Variants in CNGB3 observed in about 807,000 individuals in gnomAD.
CNGB3 encodes cyclic nucleotide-gated channel beta-3.
In CNGB3, 86 loss-of-function variants were observed where a neutral mutation model predicts 92.8. The observed-to-expected ratio is 0.93, with a 90% confidence interval of 0.78 to 1.11. The LOEUF is 1.11. Ranked by LOEUF, CNGB3 falls within the 50% of genes least tolerant of loss-of-function variation. The pLI is 0.00. For synonymous variants in CNGB3, 333 were observed against 332.7 expected (o/e 1.00, Z -0.01); for missense variants, 1,026 against 956.8 (o/e 1.07, Z -0.95).
At chr8:86,631,367 C>T (rs1822957498) in intron 11 of CNGB3, among the ~76,000 whole-genome samples, 1 of 152,116 alleles carries the variant, frequency 6.6e-6, no homozygotes, top group South Asian at 2.1e-4. Flanking sequence ...AATCGTCTTG[C>T]ACATAGTAAG....
At chr8:86,590,659 A>G (rs1488270826) in intron 15 of CNGB3, among the ~76,000 whole-genome samples, 1 of 150,372 alleles carries the variant, frequency 6.7e-6, no homozygotes, top group Non-Finnish European at 1.5e-5. Context: ...AGAATGTTGA[A>G]TATTGGCCCC....
At chr8:86,676,283 G>A (rs1823967050) in intron 3 of CNGB3, among the ~76,000 whole-genome samples, 1 of 152,120 alleles carries the variant, frequency 6.6e-6, no homozygotes, top group South Asian at 2.1e-4. Flanking sequence ...TGAGTTTACA[G>A]CAGAGGTGGT....
intron 4 of CNGB3, among the ~76,000 whole-genome samples, chr8:86,669,083 T>C (rs1235591752): frequency 2.6e-5 from 4 of 151,996 alleles, no homozygotes; most frequent in Admixed American, 1.3e-4. Context: ...GAAATATTTA[T>C]GGATGAAATA....
intron 10 of CNGB3, among the ~76,000 whole-genome samples, chr8:86,638,824 C>A (rs1823123940): frequency 6.6e-6 from 1 of 151,214 alleles, no homozygotes; most frequent in Non-Finnish European, 1.5e-5. Context: ...ATTCTTTGCT[C>A]TGGGTTTTTT....
chr8:86,667,497 A>C (rs1179503400), intron 5 of CNGB3, among the ~76,000 whole-genome samples: 2 of 152,210 alleles, frequency 1.3e-5, no homozygotes, highest in African/African-American at 4.8e-5. Flanking sequence ...TTAGTTCCTC[A>C]GTAGTTAAGT....
intron 6 of CNGB3, 21 bp downstream of exon 6, chr8:86,666,904 C>G (rs757743418): frequency 6.3e-7 from 1 of 1,593,214 alleles, no homozygotes; most frequent in South Asian, 1.1e-5. Flanking sequence ...TCAGTTTCTG[C>G]CTTTCCCGAA....
chr8:86,645,250 C>T (rs1378314855), intron 8 of CNGB3, among the ~76,000 whole-genome samples: 1 of 151,092 alleles, frequency 6.6e-6, no homozygotes, highest in African/African-American at 2.4e-5. Flanking sequence ...TTACTATTTC[C>T]CTCAAGGTTT....
chr8:86,720,164 A>C (rs185879697), intron 3 of CNGB3, among the ~76,000 whole-genome samples: 1 of 152,318 alleles, frequency 6.6e-6, no homozygotes, highest in East Asian at 1.9e-4. Flanking sequence ...AATTAAACTA[A>C]AAAGCTTTTG....
At chr8:86,722,360 G>C (rs1324443790) in intron 3 of CNGB3, among the ~76,000 whole-genome samples, 1 of 152,208 alleles carries the variant, frequency 6.6e-6, no homozygotes, top group Non-Finnish European at 1.5e-5. Context: ...AATGGCATCA[G>C]TGGGACTTCA....
rs1449079913 is a variant in CNGB3 at position 86,626,096 on chromosome 8, C to A, written c.1481-16G>T. 6.4e-7 allele frequency: 1 copy of A among 1,560,966 alleles called. No homozygotes were observed. Among genetic ancestry groups the A allele is most frequent in the Non-Finnish European group, 8.8e-7 (1 of 1,132,400 alleles). ...TCAGACTCATCTTTATAAAGATAAA[C>A]ACATCAAACCCCGATGCAGAATAAT... On this transcript the variant is annotated splice_polypyrimidine_tract_variant and intron_variant, in intron 12 of 17. Coordinates refer to ENST00000320005, the MANE Select transcript of CNGB3 (RefSeq NM_019098.5).
chr8:86,611,722 C>A, intron 13 of CNGB3, 51 bp from the exon 14 acceptor site: 1 of 1,252,542 alleles, frequency 8.0e-7, no homozygotes, highest in Non-Finnish European at 1.2e-6. Context: ...GGCCAATATT[C>A]CAAATGAATT....
At chr8:86,642,828 C>T (rs1030371462) in intron 10 of CNGB3, among the ~76,000 whole-genome samples, 1 of 151,444 alleles carries the variant, frequency 6.6e-6, no homozygotes, top group African/African-American at 2.4e-5. Context: ...CACTTGCATA[C>T]CTAATTGTCA....
At chr8:86,647,045 C>T (rs1436516707) in intron 8 of CNGB3, among the ~76,000 whole-genome samples, 3 of 150,966 alleles carry the variant, frequency 2.0e-5, no homozygotes, top group African/African-American at 7.3e-5. Context: ...TATGTAAATA[C>T]ACAAAAATTG....
Position 86,632,756 on chromosome 8 carries a change from C to G in CNGB3, c.1316G>C (p.Gly439Ala). ...SGVFVFSSLI[G>A]QMRDVIGAAT... ...AGTGATTCATACTCAGCTTACCTGA[C>G]CAATTAAACTGGAGAACACAAAAAC... The change falls in exon 11 of 18, where the codon GGT (glycine) becomes GCT (alanine). Residue 439 changes from glycine to alanine, a missense_variant. Coordinates refer to ENST00000320005, the MANE Select transcript of CNGB3 (RefSeq NM_019098.5). 1 of 1,613,040 alleles carries G rather than the reference C, an allele frequency of 6.2e-7. No homozygotes were observed. Among genetic ancestry groups the G allele is most frequent in the Non-Finnish European group, 8.5e-7 (1 of 1,179,714 alleles).
At chr8:86,635,347 T>C (rs773841343) in intron 10 of CNGB3, among the ~76,000 whole-genome samples, 1 of 152,136 alleles carries the variant, frequency 6.6e-6, no homozygotes, top group Non-Finnish European at 1.5e-5. Flanking sequence ...ATGATAAGTG[T>C]TGGGATTACT....
At chr8:86,662,979 A>C (rs1377019349) in intron 6 of CNGB3, among the ~76,000 whole-genome samples, 1 of 152,186 alleles carries the variant, frequency 6.6e-6, no homozygotes, top group East Asian at 1.9e-4. Flanking sequence ...TAGTTTCTTC[A>C]AGTTAATGCT....
intron 10 of CNGB3, among the ~76,000 whole-genome samples, chr8:86,643,314 T>C (rs1441643068): frequency 6.6e-6 from 1 of 151,488 alleles, no homozygotes; most frequent in Non-Finnish European, 1.5e-5. Flanking sequence ...GGGTGTTTAT[T>C]ACTCGAGTAC....
intron 13 of CNGB3, 100 bp from the exon 14 acceptor site, chr8:86,611,771 G>T: frequency 1.1e-6 from 1 of 882,246 alleles, no homozygotes; most frequent in Non-Finnish European, 1.8e-6. Context: ...TATATTGTCT[G>T]CATTAGCATA....
intron 14 of CNGB3, among the ~76,000 whole-genome samples, chr8:86,611,255 A>C (rs59163639): frequency 0.027 from 4,047 of 152,292 alleles, 99 homozygotes; most frequent in East Asian, 0.071. Flanking sequence ...GACATAAAAA[A>C]GGCTGAACCA....
Sources: allele counts gnomAD v4.1 joint callset (sites outside exome capture counted in the v4.1 genomes callset), GRCh38; gene constraint gnomAD v4.1.1; transcripts MANE v1.5; gene names NCBI Gene and HGNC (gene_info 2026-07-23, HGNC 2026-07-21).